The following TNIK variants were observed in gnomAD, a reference collection of about 807,000 sequenced individuals.
The protein encoded by TNIK is TRAF2 and NCK interacting kinase.
In TNIK, 49 loss-of-function variants were observed where a neutral mutation model predicts 191.3. The ratio of observed to expected loss-of-function variants is 0.26; its 90% CI spans 0.20 to 0.32. The LOEUF is 0.32. Among genes scored for constraint, TNIK ranks in the 10% least tolerant of loss-of-function variants. The pLI is 1.00. For missense variants in TNIK, 1,155 were observed against 1,702.3 expected (o/e 0.68, Z 5.66); for synonymous variants, 594 against 600.9 (o/e 0.99, Z 0.17).
intron 2 of TNIK, among the ~76,000 whole-genome samples, chr3:171,251,206 G>A (rs147032038): frequency 7.2e-5 from 11 of 152,288 alleles, no homozygotes; most frequent in Non-Finnish European, 1.5e-4. Flanking sequence ...AGACAGCAGA[G>A]AACAGCAGGA....
At chr3:171,072,583 C>T (rs2108327431) in intron 28 of TNIK, among the ~76,000 whole-genome samples, 1 of 152,120 alleles carries the variant, frequency 6.6e-6, no homozygotes, top group South Asian at 2.1e-4. Context: ...CCAGAACAGT[C>T]AGGCAAGATA....
chr3:171,413,775 C>T (rs1346408284), intron 1 of TNIK, among the ~76,000 whole-genome samples: 8 of 152,184 alleles, frequency 5.3e-5, no homozygotes, highest in Non-Finnish European at 8.8e-5. Flanking sequence ...AGTACAGGTT[C>T]GCAGTCAGGC....
chr3:171,225,233 GCAC>G (rs771565364), intron 3 of TNIK, among the ~76,000 whole-genome samples: 2 of 152,122 alleles, frequency 1.3e-5, no homozygotes, highest in Non-Finnish European at 2.9e-5. Flanking sequence ...TCTTCTAAAG[GCAC>G]CACGTGAGTT....
intron 1 of TNIK, among the ~76,000 whole-genome samples, chr3:171,453,628 G>A (rs1391400726): frequency 6.6e-6 from 1 of 152,154 alleles, no homozygotes; most frequent in Non-Finnish European, 1.5e-5. Context: ...GAAGACTCAC[G>A]TGGCTACAGT....
In TNIK at chr3:171,369,789, T is replaced by C. The variant is rs569310018; in HGVS notation, c.58-104A>G. The C allele has an allele frequency of 1.0e-4, 92 of 883,050 alleles. 1 individual carries two copies. In the South Asian group the frequency reaches 1.4e-3, roughly 13 times the overall value. The allele number at this position is 883,050 out of a possible 1,614,324, so 54.7% of individuals were successfully genotyped here. A position where few individuals can be genotyped will look rare whatever the true frequency, so the allele number is the denominator to read the frequency against. Reference sequence around the variant, plus strand: ...AAATTAAGCAAATAAATAACAACTTTAGCTTCAGGGGCTCTCATGTGTTAA... The same window carrying C: ...AAATTAAGCAAATAAATAACAACTTCAGCTTCAGGGGCTCTCATGTGTTAA... On this transcript the variant is annotated intron_variant, in intron 1 of 32. Transcript: ENST00000436636.
intron 2 of TNIK, among the ~76,000 whole-genome samples, chr3:171,243,438 A>C (rs950981001): frequency 7.2e-5 from 11 of 152,040 alleles, no homozygotes; most frequent in Non-Finnish European, 1.0e-4. Flanking sequence ...TAAAAAAAAA[A>C]AACACCTTCT....
At chr3:171,441,424 T>C (rs1199446752) in intron 1 of TNIK, among the ~76,000 whole-genome samples, 2 of 152,246 alleles carry the variant, frequency 1.3e-5, no homozygotes, top group Non-Finnish European at 2.9e-5. Context: ...TCATTGTGTC[T>C]GGCTTCTTTC....
At chr3:171,163,339 T>C (rs1734238551) in intron 10 of TNIK, among the ~76,000 whole-genome samples, 1 of 152,214 alleles carries the variant, frequency 6.6e-6, no homozygotes, top group African/African-American at 2.4e-5. Flanking sequence ...TGAAGACATT[T>C]GCACATCCCT....
At chr3:171,106,801 G>C (rs147158407) in intron 21 of TNIK, 13 of 534,338 alleles carry the variant, frequency 2.4e-5, no homozygotes, top group Non-Finnish European at 3.9e-5. Flanking sequence ...TAAATTTGGA[G>C]TGTCCTAGAA....
intron 1 of TNIK, among the ~76,000 whole-genome samples, chr3:171,383,248 C>T (rs1004935085): frequency 1.3e-5 from 2 of 152,228 alleles, no homozygotes; most frequent in South Asian, 4.1e-4. Context: ...AGGCTGACTA[C>T]ACCTACATGG....
rs74895563 is a variant in TNIK at position 171,106,218 on chromosome 3, A to C, written c.2406+965T>G. Among the ~76,000 whole-genome samples, 1,284 of 152,310 alleles carry C rather than the reference A, an allele frequency of 8.4e-3. 12 individuals are homozygous for C. The highest frequency in any genetic ancestry group is 0.029 in the African/African-American group (1,200 of 41,552). ...AATCAAACCCTTGGCTTTCTGCAGC[A>C]ATGTTACACATAAAATGCTTTCACA... is the stretch of plus-strand genomic sequence containing the variant. On this transcript the variant is annotated intron_variant, in intron 21 of 32. Coordinates refer to ENST00000436636, the MANE Select transcript of TNIK (RefSeq NM_015028.4).
Position 171,122,638 on chromosome 3 carries a change from A to G in TNIK, c.2120+958T>C, listed in dbSNP as rs182438757. Among the ~76,000 whole-genome samples, 20 of 152,346 alleles carry G rather than the reference A, an allele frequency of 1.3e-4. No individual in the cohort carries two copies. In the South Asian group the frequency reaches 2.9e-3, roughly 22 times the overall value. The stretch of plus-strand genomic sequence containing the variant: ...AAAACTTTATGATTTAAAGCATTCC[A>G]TATTTTAAAGATATGTGCATGTAAT... On this transcript the variant is annotated intron_variant, in intron 18 of 32. Transcript: ENST00000436636.
intron 2 of TNIK, among the ~76,000 whole-genome samples, chr3:171,350,368 G>T (rs148172933): frequency 6.6e-6 from 1 of 151,952 alleles, no homozygotes; most frequent in Non-Finnish European, 1.5e-5. Context: ...CCAGGATTCT[G>T]AGGTGTTTCT....
chr3:171,384,848 C>A (rs961592337), intron 1 of TNIK, among the ~76,000 whole-genome samples: 8 of 152,184 alleles, frequency 5.3e-5, no homozygotes, highest in African/African-American at 1.7e-4. Context: ...TGACATTGAA[C>A]AAGGCCACTA....
rs555538859 is a variant in TNIK at position 171,207,036 on chromosome 3, T to A, written c.306+4080A>T. On this transcript the variant is annotated intron_variant, in intron 4 of 32. Coordinates refer to ENST00000436636, the MANE Select transcript of TNIK (RefSeq NM_015028.4). ...AATCTACATTAATGCTTTTTTTTTT[T>A]AAATTGAGAACCATAGCCCTGACCA... 8.6e-3 allele frequency among the ~76,000 whole-genome samples: 1,297 copies of A among 151,222 alleles called. 12 individuals are homozygous for A. The highest frequency in any genetic ancestry group is 9.5e-3 in the Non-Finnish European group (647 of 67,860).
intron 7 of TNIK, 27 bp from the exon 8 acceptor site, chr3:171,177,407 A>G: frequency 5.0e-6 from 8 of 1,595,026 alleles, no homozygotes; most frequent in Non-Finnish European, 6.8e-6. Flanking sequence ...AGACACACAC[A>G]TAAATTCAGT....
chr3:171,098,864 G>A (rs79690242), intron 22 of TNIK, among the ~76,000 whole-genome samples: 6,480 of 152,184 alleles, frequency 0.043, 465 homozygotes, highest in African/African-American at 0.15. Flanking sequence ...AGAACAGACT[G>A]TGTATATTTT....
intron 2 of TNIK, among the ~76,000 whole-genome samples, chr3:171,362,284 T>C (rs1465714551): frequency 6.6e-6 from 1 of 152,130 alleles, no homozygotes; most frequent in Non-Finnish European, 1.5e-5. Flanking sequence ...CCAAATACAA[T>C]GTAAGAATTG....
intron 2 of TNIK, among the ~76,000 whole-genome samples, chr3:171,334,156 T>TAGAA (rs1214854256): frequency 1.3e-5 from 2 of 152,182 alleles, no homozygotes; most frequent in Non-Finnish European, 2.9e-5. Flanking sequence ...GTGCTTGTCC[T>TAGAA]AGAACAAATT....
Sources: gnomAD v4.1 joint callset for allele counts (sites outside exome capture counted in the v4.1 genomes callset) on GRCh38, gnomAD v4.1.1 for gene constraint, MANE v1.5 for transcripts, NCBI Gene and HGNC (gene_info 2026-07-23, HGNC 2026-07-21) for gene names.